VTI1A: variants seen among roughly 807,000 people sequenced by gnomAD.
VTI1A encodes vesicle transport through interaction with t-SNAREs homolog 1A.
A neutral mutation model predicts 34.9 loss-of-function variants in VTI1A; 22 were observed. That is an observed-to-expected ratio of 0.63 (90% CI 0.45 to 0.90). The LOEUF (loss-of-function observed/expected upper bound fraction) is 0.90, where lower values mean the gene tolerates loss of function less well. Ranked by LOEUF, VTI1A falls within the 40% of genes least tolerant of loss-of-function variation. The pLI, the probability that VTI1A is intolerant of heterozygous loss-of-function variation, is 0.00. For missense variants in VTI1A, 268 were observed against 275.6 expected (o/e 0.97, Z 0.20); for synonymous variants, 87 against 97.3 (o/e 0.89, Z 0.62).
intron 7 of VTI1A, among the ~76,000 whole-genome samples, chr10:112,675,869 C>G (rs1848007536): frequency 6.6e-6 from 1 of 152,156 alleles, no homozygotes; most frequent in Admixed American, 6.5e-5. Context: ...AGCTAGTAAC[C>G]TTTGGCAAGA....
chr10:112,640,395 T>C (rs542783490), intron 5 of VTI1A, among the ~76,000 whole-genome samples: 163 of 152,308 alleles, frequency 1.1e-3, no homozygotes, highest in African/African-American at 3.8e-3. Flanking sequence ...TGAATCTGAC[T>C]AAAATCTTAT....
At chr10:112,674,276 C>T (rs1847957189) in intron 7 of VTI1A, among the ~76,000 whole-genome samples, 1 of 152,106 alleles carries the variant, frequency 6.6e-6, no homozygotes, top group Non-Finnish European at 1.5e-5. Flanking sequence ...TAATCAAGTG[C>T]TTATTCTTTC....
At chr10:112,737,881 G>A (rs183697931) in intron 7 of VTI1A, 26 of 1,061,790 alleles carry the variant, frequency 2.4e-5, no homozygotes, top group Admixed American at 5.4e-5. Context: ...CCGTAGGATC[G>A]ATGCCTTTCA....
At chr10:112,692,589 C>A (rs955822805) in intron 7 of VTI1A, among the ~76,000 whole-genome samples, 29 of 152,354 alleles carry the variant, frequency 1.9e-4, no homozygotes, top group African/African-American at 6.7e-4. Flanking sequence ...GTGGGGAGGG[C>A]ATACCTACCT....
At chr10:112,584,084 T>A (rs1299614324) in intron 5 of VTI1A, among the ~76,000 whole-genome samples, 1 of 152,212 alleles carries the variant, frequency 6.6e-6, no homozygotes, top group Non-Finnish European at 1.5e-5. Context: ...AGAAAACCAT[T>A]TGTTTAGCAT....
chr10:112,704,490 A>G (rs1159440458), intron 7 of VTI1A, among the ~76,000 whole-genome samples: 1 of 151,932 alleles, frequency 6.6e-6, no homozygotes, highest in Non-Finnish European at 1.5e-5. Flanking sequence ...TTAGTGTGTC[A>G]TTCTACAGTG....
chr10:112,561,127 G>A (rs1851712363), intron 5 of VTI1A, among the ~76,000 whole-genome samples: 2 of 152,106 alleles, frequency 1.3e-5, no homozygotes, highest in Admixed American at 6.5e-5. Flanking sequence ...TTATAATTAA[G>A]AAAAGTATAC....
Position 112,538,938 on chromosome 10 carries a change from A to C in VTI1A, c.427+608A>C, listed in dbSNP as rs551943881. On this transcript the variant is annotated intron_variant, in intron 5 of 7. Coordinates refer to ENST00000393077, the MANE Select transcript of VTI1A (RefSeq NM_145206.4). ...AATGCTCTTCAAACTTTTGGTTTGA[A>C]TTAATACCAGTTATTAATTTCAGAA... Among the ~76,000 whole-genome samples the C allele has an allele frequency of 6.6e-5, 10 of 152,334 alleles. No homozygotes were observed. The South Asian group carries it at 1.5e-3, about 22-fold the overall frequency.
chr10:112,658,794 A>G (rs1847333738), intron 5 of VTI1A, among the ~76,000 whole-genome samples: 1 of 152,192 alleles, frequency 6.6e-6, no homozygotes, highest in African/African-American at 2.4e-5. Context: ...CACTGTTGCC[A>G]GATATTCCAA....
chr10:112,704,575 A>G lies in VTI1A; in HGVS notation c.560+35577A>G, dbSNP rs1396230169. 2.0e-5 allele frequency among the ~76,000 whole-genome samples: 3 copies of G among 152,150 alleles called. No homozygotes were observed. The East Asian group carries it at 5.8e-4, about 29-fold the overall frequency. On this transcript the variant is annotated intron_variant, in intron 7 of 7. Transcript: ENST00000393077. ...TTTTGACTTTTGTCTTCTCCAAATGATGAGAAATTGAGACTGTTTTTAATG... is the reference window on the plus strand; with the variant it reads ...TTTTGACTTTTGTCTTCTCCAAATGGTGAGAAATTGAGACTGTTTTTAATG...
chr10:112,642,452 CA>C (rs1846609989), intron 5 of VTI1A, among the ~76,000 whole-genome samples: 1 of 152,156 alleles, frequency 6.6e-6, no homozygotes, highest in South Asian at 2.1e-4. Flanking sequence ...GTGAAGGATT[CA>C]TGGTTCAAAA....
chr10:112,521,641 C>T (rs1009230817), intron 3 of VTI1A, among the ~76,000 whole-genome samples: 4 of 152,038 alleles, frequency 2.6e-5, no homozygotes, highest in Non-Finnish European at 4.4e-5. Context: ...CTGAAATGCT[C>T]TCTCTGTTCT....
At chr10:112,649,088 G>T (rs1484468771) in intron 5 of VTI1A, among the ~76,000 whole-genome samples, 1 of 152,096 alleles carries the variant, frequency 6.6e-6, no homozygotes, top group African/African-American at 2.4e-5. Context: ...AACTAATAAA[G>T]ATTTGTCTTA....
rs148899354 is a variant in VTI1A at position 112,600,752 on chromosome 10, G to A, written c.427+62422G>A. On this transcript the variant is annotated intron_variant, in intron 5 of 7. Coordinates refer to ENST00000393077, the MANE Select transcript of VTI1A (RefSeq NM_145206.4). ...GCTCCTAAAACAGTGACTGACAAAA[G>A]GTGAATGTTCAAAAAATCACGAATG... Among the ~76,000 whole-genome samples the A allele has an allele frequency of 6.4e-3, 971 of 152,244 alleles. 12 individuals are homozygous for A. The highest frequency in any genetic ancestry group is 0.022 in the African/African-American group (928 of 41,518).
chr10:112,665,044 G>A (rs1286550457), intron 5 of VTI1A, among the ~76,000 whole-genome samples: 1 of 152,124 alleles, frequency 6.6e-6, no homozygotes, highest in Non-Finnish European at 1.5e-5. Flanking sequence ...AAGGCCCTAT[G>A]GAAGTTAAAG....
At chr10:112,485,615 G>A (rs1345065666) in intron 3 of VTI1A, among the ~76,000 whole-genome samples, 2 of 152,162 alleles carry the variant, frequency 1.3e-5, no homozygotes, top group African/African-American at 2.4e-5. Context: ...GACAGGTCCG[G>A]TTCATAAGCT....
chr10:112,661,741 G>A (rs1416773269), intron 5 of VTI1A, among the ~76,000 whole-genome samples: 2 of 140,064 alleles, frequency 1.4e-5, no homozygotes, highest in Admixed American at 7.1e-5. Flanking sequence ...TCTCCTGAAT[G>A]TATCTTTTTT....
intron 5 of VTI1A, among the ~76,000 whole-genome samples, chr10:112,604,410 C>T (rs190170343): frequency 3.3e-5 from 5 of 152,318 alleles, no homozygotes; most frequent in African/African-American, 9.6e-5. Context: ...CTATTCTTCT[C>T]TTTCTTCCCC....
At chr10:112,649,802 C>G (rs35096135) in intron 5 of VTI1A, among the ~76,000 whole-genome samples, 1 of 151,996 alleles carries the variant, frequency 6.6e-6, no homozygotes, top group Non-Finnish European at 1.5e-5. Flanking sequence ...GTACTGAATA[C>G]TATAGGCAAT....
Sources: gnomAD v4.1 joint callset for allele counts (sites outside exome capture counted in the v4.1 genomes callset) on GRCh38, gnomAD v4.1.1 for gene constraint, MANE v1.5 for transcripts, NCBI Gene and HGNC (gene_info 2026-07-23, HGNC 2026-07-21) for gene names.